The following TTLL9 variants were observed in gnomAD, a reference collection of about 807,000 sequenced individuals.
TTLL9 encodes the protein probable tubulin polyglutamylase TTLL9.
TTLL9 carries 47 observed loss-of-function variants against 65.6 expected under a neutral mutation model. The ratio of observed to expected loss-of-function variants is 0.72; its 90% CI spans 0.57 to 0.91. TTLL9 has a LOEUF of 0.91. TTLL9 is among the 40% of genes least tolerant of loss of function. The pLI, the probability that TTLL9 is intolerant of heterozygous loss-of-function variation, is 0.00. For missense variants in TTLL9, 537 were observed against 568.8 expected (o/e 0.94, Z 0.57); for synonymous variants, 179 against 204.8 (o/e 0.87, Z 1.07).
chr20:31,936,368 G>A (rs1183022889), intron 12 of TTLL9, among the ~76,000 whole-genome samples: 2 of 152,122 alleles, frequency 1.3e-5, no homozygotes, highest in Non-Finnish European at 2.9e-5. Flanking sequence ...TACTCAGGAG[G>A]CTGAGGCAGG....
rs1282403105 is a variant in TTLL9, at chr20:31,939,245, T to G, written c.1222T>G (p.Phe408Val). The G allele has an allele frequency of 2.5e-6, 4 of 1,613,386 alleles. No individual in the cohort carries two copies. Among genetic ancestry groups the G allele is most frequent in the Non-Finnish European group, 2.5e-6 (3 of 1,179,784 alleles). ...TCCTGACCTGTCGGGAATGGGAAAC[T>G]TTGTGACCAACACACATCTCGGTAT... The part of the protein sequence containing the change: ...GAPDLSGMGN[F>V]VTNTHLGCVN... The change falls in exon 14 of 15, where the codon TTT (phenylalanine) becomes GTT (valine). Residue 408 changes from phenylalanine to valine, a missense_variant. Coordinates refer to ENST00000535842, the MANE Select transcript of TTLL9 (RefSeq NM_001008409.5).
At chr20:31,894,730 C>T (rs2063357981) in intron 3 of TTLL9, among the ~76,000 whole-genome samples, 1 of 149,784 alleles carries the variant, frequency 6.7e-6, no homozygotes, top group South Asian at 2.1e-4. Flanking sequence ...TACACACACA[C>T]ACACACACAC....
chr20:31,879,702 CGCCCAATAGCCTCCAGAGGTTCTGGTG>C, intron 2 of TTLL9: 1 of 957,744 alleles, frequency 1.0e-6, no homozygotes, highest in African/African-American at 1.7e-5. Flanking sequence ...GCTGCCAGGA[CGCCCAATAGCCTCCAGAGGTTCTGGTG>C]GACCAGAGCC....
rs151051198 is a variant in TTLL9, at chr20:31,900,002, C to T, written c.206+1437C>T. Among the ~76,000 whole-genome samples the T allele has an allele frequency of 1.7e-4, 26 of 152,214 alleles. No homozygotes were observed. The East Asian group carries it at 4.1e-3, about 24-fold the overall frequency. On this transcript the variant is annotated intron_variant, in intron 4 of 14. Transcript: ENST00000535842. The stretch of plus-strand genomic sequence containing the variant: ...GTCTTGATCTCCTGACCTCGTGATC[C>T]GCCCTCCTCGGCCTCCTGAAGTGCT...
intron 2 of TTLL9, among the ~76,000 whole-genome samples, chr20:31,883,563 G>C (rs2063147917): frequency 6.6e-6 from 1 of 152,046 alleles, no homozygotes; most frequent in Non-Finnish European, 1.5e-5. Flanking sequence ...TTACCATAAA[G>C]TTTACTGTTC....
chr20:31,917,091 G>A (rs1169775194), intron 6 of TTLL9, among the ~76,000 whole-genome samples: 1 of 152,198 alleles, frequency 6.6e-6, no homozygotes, highest in African/African-American at 2.4e-5. Flanking sequence ...TTTAATTGAA[G>A]TTTAATAAAA....
intron 1 of TTLL9, 82 bp downstream of exon 1, chr20:31,871,031 T>C: frequency 1.6e-6 from 2 of 1,224,896 alleles, no homozygotes; most frequent in South Asian, 2.4e-5. Context: ...CCATCCATTC[T>C]CCCACCCTCC....
chr20:31,914,876 C>T (rs1003557753), intron 6 of TTLL9, among the ~76,000 whole-genome samples: 1 of 152,232 alleles, frequency 6.6e-6, no homozygotes, highest in Non-Finnish European at 1.5e-5. Context: ...TAGACCTCAA[C>T]TGGAAGCCGC....
At chr20:31,922,420 A>C (rs542224035) in intron 7 of TTLL9, among the ~76,000 whole-genome samples, 3 of 152,124 alleles carry the variant, frequency 2.0e-5, no homozygotes, top group Non-Finnish European at 4.4e-5. Context: ...TCCCAAACTG[A>C]AACTCTGTAA....
chr20:31,937,581 G>A (rs1568843359), intron 13 of TTLL9, 72 bp downstream of exon 13: 1 of 1,280,796 alleles, frequency 7.8e-7, no homozygotes, highest in Non-Finnish European at 1.1e-6. Context: ...AAGAGGGGGA[G>A]CTTAGAACCT....
intron 9 of TTLL9, chr20:31,925,772 C>A: frequency 9.1e-7 from 1 of 1,095,118 alleles, no homozygotes; most frequent in Non-Finnish European, 1.3e-6. Flanking sequence ...CATAAGGGCA[C>A]TCCGGGTGGA....
chr20:31,897,257 T>C (rs1342156128), intron 3 of TTLL9, among the ~76,000 whole-genome samples: 1 of 152,238 alleles, frequency 6.6e-6, no homozygotes, highest in African/African-American at 2.4e-5. Flanking sequence ...GTTGTAGTAA[T>C]TGTGCTTTTT....
At chr20:31,873,692 A>G (rs200633871) in intron 2 of TTLL9, among the ~76,000 whole-genome samples, 1,447 of 63,188 alleles carry the variant, frequency 0.023, 27 homozygotes, top group African/African-American at 0.11. Context: ...GAGAGAAAGA[A>G]AGAAAGAAAG....
chr20:31,919,737 C>A, intron 6 of TTLL9, 127 bp from the exon 7 acceptor site: 1 of 688,838 alleles, frequency 1.5e-6, no homozygotes, highest in Non-Finnish European at 2.3e-6. Context: ...GCTAGCCTTC[C>A]TCTGGGGAGA....
chr20:31,901,011 C>T (rs1490374345), intron 4 of TTLL9, among the ~76,000 whole-genome samples: 1 of 152,206 alleles, frequency 6.6e-6, no homozygotes, highest in African/African-American at 2.4e-5. Context: ...CCTTTTCCTT[C>T]AACACAGCTC....
At chr20:31,876,093 G>A (rs2063034142) in intron 2 of TTLL9, among the ~76,000 whole-genome samples, 1 of 152,106 alleles carries the variant, frequency 6.6e-6, no homozygotes, top group Non-Finnish European at 1.5e-5. Flanking sequence ...ATAGGTTTTG[G>A]GGATATGTAC....
At chr20:31,935,670 G>A (rs1384907329) in intron 12 of TTLL9, among the ~76,000 whole-genome samples, 1 of 152,240 alleles carries the variant, frequency 6.6e-6, no homozygotes, top group Admixed American at 6.5e-5. Flanking sequence ...GTGACTGCTG[G>A]CATTAAGGTG....
intron 2 of TTLL9, among the ~76,000 whole-genome samples, chr20:31,875,315 CATTATT>C (rs377569264): frequency 6.6e-6 from 1 of 151,996 alleles, no homozygotes; most frequent in African/African-American, 2.4e-5. Flanking sequence ...GAACACAGTA[CATTATT>C]ATTATTATTA....
At chr20:31,883,172 GA>G (rs2063142249) in intron 2 of TTLL9, among the ~76,000 whole-genome samples, 1 of 150,870 alleles carries the variant, frequency 6.6e-6, no homozygotes, top group Non-Finnish European at 1.5e-5. Flanking sequence ...TCAGTGCAGG[GA>G]AAAAACCTTT....
Sources: gnomAD v4.1 joint callset for allele counts (sites outside exome capture counted in the v4.1 genomes callset) on GRCh38, gnomAD v4.1.1 for gene constraint, MANE v1.5 for transcripts, NCBI Gene and HGNC (gene_info 2026-07-23, HGNC 2026-07-21) for gene names.